Variants in FRMD4B observed in about 807,000 individuals in gnomAD.
FRMD4B encodes FERM domain-containing protein 4B.
FRMD4B carries 74 observed loss-of-function variants against 141.5 expected under a neutral mutation model. That is an observed-to-expected ratio of 0.52 (90% CI 0.43 to 0.63). FRMD4B has a LOEUF of 0.63. Among genes scored for constraint, FRMD4B ranks in the 30% least tolerant of loss-of-function variants. The pLI is 0.00. For missense variants in FRMD4B, 1,366 were observed against 1,253.4 expected (o/e 1.09, Z -1.36); for synonymous variants, 506 against 467.9 (o/e 1.08, Z -1.05).
Position 69,193,811 on chromosome 3 carries a change from T to G in FRMD4B, c.1551A>C (p.Ala517=). 6.2e-7 allele frequency: 1 copy of G among 1,613,980 alleles called. No individual in the cohort carries two copies. The highest frequency in any genetic ancestry group is 8.5e-7 in the Non-Finnish European group (1 of 1,179,824). Residue 517 remains alanine, a synonymous_variant, in exon 17 of 23, where the codon GCA becomes GCC. Coordinates refer to ENST00000398540, the MANE Select transcript of FRMD4B (RefSeq NM_015123.3). ...FLIQQKLVEA[A]KKLANEPDLC... The stretch of plus-strand genomic sequence containing the variant: ...GGTCTGGCTCATTGGCAAGTTTCTT[T>G]GCAGCTTCCACCAGCTTTTGTTGTA...
intron 9 of FRMD4B, among the ~76,000 whole-genome samples, chr3:69,219,741 T>A (rs2093176127): frequency 6.6e-6 from 1 of 152,130 alleles, no homozygotes. Context: ...AGGGCCAGCA[T>A]CCATTAGCAC....
At chr3:69,500,613 C>A (rs1430401549) in intron 1 of FRMD4B, among the ~76,000 whole-genome samples, 1 of 152,060 alleles carries the variant, frequency 6.6e-6, no homozygotes, top group African/African-American at 2.4e-5. Context: ...AGGTACTACC[C>A]CTGGGCCTCA....
intron 1 of FRMD4B, among the ~76,000 whole-genome samples, chr3:69,451,706 C>T (rs1705502467): frequency 6.6e-6 from 1 of 152,202 alleles, no homozygotes; most frequent in African/African-American, 2.4e-5. Flanking sequence ...CTTCTTATAA[C>T]CACTAGGTGG....
intron 1 of FRMD4B, among the ~76,000 whole-genome samples, chr3:69,465,861 T>C (rs755569576): frequency 3.3e-5 from 5 of 152,198 alleles, no homozygotes; most frequent in Non-Finnish European, 7.4e-5. Context: ...TATGTGTCCA[T>C]GTGTCTTTAT....
At chr3:69,226,532 C>T (rs943222812) in intron 7 of FRMD4B, among the ~76,000 whole-genome samples, 1 of 151,084 alleles carries the variant, frequency 6.6e-6, no homozygotes, top group Admixed American at 6.6e-5. Flanking sequence ...ATGATAAATT[C>T]AGGACAACAT....
chr3:69,244,068 C>T (rs2093407090), intron 7 of FRMD4B, among the ~76,000 whole-genome samples: 1 of 151,920 alleles, frequency 6.6e-6, no homozygotes, highest in Non-Finnish European at 1.5e-5. Context: ...TAAAATAACA[C>T]TGTAATACCC....
At chr3:69,265,119 G>A (rs1289830528) in intron 5 of FRMD4B, among the ~76,000 whole-genome samples, 1 of 150,462 alleles carries the variant, frequency 6.6e-6, no homozygotes, top group African/African-American at 2.4e-5. Flanking sequence ...GCCGGGGGCA[G>A]TGGTGGGCGC....
At chr3:69,233,652 T>C (rs1246536128) in intron 7 of FRMD4B, among the ~76,000 whole-genome samples, 2 of 152,154 alleles carry the variant, frequency 1.3e-5, no homozygotes, top group Non-Finnish European at 2.9e-5. Flanking sequence ...TAAGTGTATA[T>C]GTACCATACA....
chr3:69,343,835 C>T (rs1702833183), intron 1 of FRMD4B, among the ~76,000 whole-genome samples: 1 of 152,106 alleles, frequency 6.6e-6, no homozygotes, highest in Non-Finnish European at 1.5e-5. Flanking sequence ...CCACCTCAGC[C>T]TCCCAAAGTG....
At chr3:69,497,168 A>C (rs1473539642) in intron 1 of FRMD4B, among the ~76,000 whole-genome samples, 4 of 152,202 alleles carry the variant, frequency 2.6e-5, no homozygotes, top group African/African-American at 9.6e-5. Flanking sequence ...CCATCTTAGA[A>C]TGAATCCCAG....
Position 69,216,260 on chromosome 3 carries a change from T to TA in FRMD4B, c.876+2dup, listed in dbSNP as rs1165968852. On this transcript the variant is annotated splice_region_variant and intron_variant, in intron 11 of 22. Transcript: ENST00000398540. ...AAGTTCTCCTAAAGTGATCCACACT[T>TA]ACCTTCCGAGGCTTCACCTTGTCTT... 1 of 1,465,514 alleles carries TA rather than the reference T, an allele frequency of 6.8e-7. No homozygotes were observed. The highest frequency in any genetic ancestry group is 1.4e-5 in the African/African-American group (1 of 72,270). 90.8% of individuals were successfully genotyped at this position (1,465,514 alleles called of 1,614,324 possible).
chr3:69,540,343 C>T (rs896806762), intron 1 of FRMD4B, among the ~76,000 whole-genome samples: 14 of 148,440 alleles, frequency 9.4e-5, no homozygotes, highest in Admixed American at 6.0e-4. Flanking sequence ...GGCCGGGTGC[C>T]GCGGCTCACC....
intron 1 of FRMD4B, among the ~76,000 whole-genome samples, chr3:69,495,068 G>A (rs761561320): frequency 1.3e-5 from 2 of 152,164 alleles, no homozygotes; most frequent in African/African-American, 2.4e-5. Context: ...AATTCCAGAA[G>A]TGGTTGCAAG....
At chr3:69,233,914 T>C (rs2093327848) in intron 7 of FRMD4B, among the ~76,000 whole-genome samples, 1 of 152,134 alleles carries the variant, frequency 6.6e-6, no homozygotes, top group South Asian at 2.1e-4. Flanking sequence ...TGAACTACAC[T>C]GAAGAAATGG....
At chr3:69,411,900 T>C (rs965094584) in intron 2 of FRMD4B, among the ~76,000 whole-genome samples, 14 of 152,188 alleles carry the variant, frequency 9.2e-5, no homozygotes, top group African/African-American at 3.4e-4. Flanking sequence ...TTTATTGTTC[T>C]GAAGCCCAAT....
chr3:69,172,633 T>C (rs1052377882), intron 22 of FRMD4B, among the ~76,000 whole-genome samples: 1 of 152,324 alleles, frequency 6.6e-6, no homozygotes, highest in Non-Finnish European at 1.5e-5. Context: ...CAGGGGCACA[T>C]AGGGACATAT....
rs148184884 is a variant in FRMD4B, at chr3:69,469,657, C to G, written c.-128-36896G>C. Among the ~76,000 whole-genome samples, 462 of 152,244 alleles carry G rather than the reference C, an allele frequency of 3.0e-3. 3 individuals are homozygous for G. Among genetic ancestry groups the G allele is most frequent in the Middle Eastern group, 6.8e-3 (2 of 294 alleles). ...CAGAATCCCATAGCAAGCCCCTACT[C>G]CACAAGATTATTATTAATCACAGTA... On this transcript the variant is annotated intron_variant, in intron 1 of 5. Transcript: ENST00000459638.
At chr3:69,400,079 T>C (rs1418650090) in intron 2 of FRMD4B, among the ~76,000 whole-genome samples, 1 of 152,060 alleles carries the variant, frequency 6.6e-6, no homozygotes, top group Non-Finnish European at 1.5e-5. Context: ...AAAAGGAAAG[T>C]CTTTCCTTGT....
In FRMD4B at chr3:69,176,441, T is replaced by C. The variant is rs1335414355; in HGVS notation, c.2984+83A>G. 5.9e-6 allele frequency: 7 copies of C among 1,194,470 alleles called. No homozygotes were observed. The East Asian group carries it at 1.2e-4, about 20-fold the overall frequency. 74.0% of individuals were successfully genotyped at this position (1,194,470 alleles called of 1,614,324 possible). On this transcript the variant is annotated intron_variant, in intron 22 of 22. Transcript: ENST00000398540. ...AGAGTTTGCCAACCCCTGAACTAGA[T>C]TATCTGACGTTTGTAAATTAGGATC... is the stretch of plus-strand genomic sequence containing the variant.
Sources: gnomAD v4.1 joint callset for allele counts (sites outside exome capture counted in the v4.1 genomes callset) on GRCh38, gnomAD v4.1.1 for gene constraint, MANE v1.5 for transcripts, NCBI Gene and HGNC (gene_info 2026-07-23, HGNC 2026-07-21) for gene names.